Variants in PHLPP1 observed in about 807,000 individuals in gnomAD.
The protein encoded by PHLPP1 is PH domain leucine-rich repeat-containing protein phosphatase 1.
PHLPP1 carries 42 observed loss-of-function variants against 117.2 expected under a neutral mutation model. That is an observed-to-expected ratio of 0.36 (90% CI 0.28 to 0.46). The LOEUF is 0.46. Ranked by LOEUF, PHLPP1 falls within the 20% of genes least tolerant of loss-of-function variation. The pLI, the probability that PHLPP1 is intolerant of heterozygous loss-of-function variation, is 1.00. For missense variants in PHLPP1, 2,084 were observed against 2,241.9 expected, an observed-to-expected ratio of 0.93 and a Z score of 1.42; for synonymous variants, 1,042 against 970.7, an observed-to-expected ratio of 1.07 and a Z score of -1.37.
intron 2 of PHLPP1, among the ~76,000 whole-genome samples, chr18:62,831,987 T>G (rs1315857892): frequency 1.3e-5 from 2 of 152,214 alleles, no homozygotes; most frequent in East Asian, 1.9e-4. Flanking sequence ...TTTTGCCCTG[T>G]GGATGGATGG....
In PHLPP1 at chr18:62,780,603, G is replaced by A. The variant is rs1031355260; in HGVS notation, c.1577-49432G>A. ...TCAGTGCTCATCAGAATCACCTTAG[G>A]ATTTGTTAAAACATGGATTGCTGCT... On this transcript the variant is annotated intron_variant, in intron 1 of 16. Coordinates refer to ENST00000262719, the MANE Select transcript of PHLPP1 (RefSeq NM_194449.4). Among the ~76,000 whole-genome samples the A allele has an allele frequency of 2.0e-5, 3 of 152,150 alleles. No homozygotes were observed. The East Asian group carries it at 5.8e-4, about 29-fold the overall frequency.
At chr18:62,737,934 T>A (rs1445719702) in intron 1 of PHLPP1, among the ~76,000 whole-genome samples, 1 of 152,154 alleles carries the variant, frequency 6.6e-6, no homozygotes, top group Non-Finnish European at 1.5e-5. Flanking sequence ...CAGGATTTTT[T>A]ATTCACTCCT....
intron 12 of PHLPP1, among the ~76,000 whole-genome samples, chr18:62,953,405 C>G (rs1910521314): frequency 6.6e-6 from 1 of 152,178 alleles, no homozygotes; most frequent in South Asian, 2.1e-4. Context: ...TTAGCTCTCT[C>G]TAGATGTCCA....
At chr18:62,759,603 A>G (rs889098880) in intron 1 of PHLPP1, among the ~76,000 whole-genome samples, 36 of 152,210 alleles carry the variant, frequency 2.4e-4, no homozygotes, top group African/African-American at 7.7e-4. Flanking sequence ...CCACACTGAT[A>G]TGCTTACTTT....
At chr18:62,963,671 T>A (rs1910827440) in intron 14 of PHLPP1, among the ~76,000 whole-genome samples, 199 bp downstream of exon 14, 1 of 152,186 alleles carries the variant, frequency 6.6e-6, no homozygotes, top group Non-Finnish European at 1.5e-5. Context: ...AATCACATAG[T>A]CTCCCTTAGT....
At chr18:62,919,864 T>C (rs1205447493) in intron 9 of PHLPP1, 95 bp from the exon 10 acceptor site, 2 of 796,506 alleles carry the variant, frequency 2.5e-6, no homozygotes, top group Non-Finnish European at 4.1e-6. Context: ...AATGAATTTG[T>C]AGTTGCTCCA....
intron 1 of PHLPP1, among the ~76,000 whole-genome samples, chr18:62,752,257 C>T (rs765757498): frequency 7.2e-5 from 11 of 152,054 alleles, no homozygotes; most frequent in Non-Finnish European, 1.5e-4. Flanking sequence ...CCCCGCGCCC[C>T]CACCCAGTAA....
intron 1 of PHLPP1, among the ~76,000 whole-genome samples, chr18:62,744,032 A>T (rs1457184833): frequency 6.6e-6 from 1 of 152,218 alleles, no homozygotes. Flanking sequence ...CGTGGGACAC[A>T]TGTGGCTCAC....
intron 10 of PHLPP1, among the ~76,000 whole-genome samples, chr18:62,928,658 A>G (rs1407670681): frequency 6.6e-6 from 1 of 152,200 alleles, no homozygotes; most frequent in Non-Finnish European, 1.5e-5. Flanking sequence ...TTAGGTATAT[A>G]CCCAAGAGAA....
intron 10 of PHLPP1, among the ~76,000 whole-genome samples, chr18:62,929,726 T>C (rs901164506): frequency 6.6e-6 from 1 of 152,188 alleles, no homozygotes; most frequent in African/African-American, 2.4e-5. Context: ...AGCAGGAGGA[T>C]AGCTTGAGGT....
chr18:62,953,995 G>A (rs1272703978), intron 12 of PHLPP1, among the ~76,000 whole-genome samples: 1 of 152,202 alleles, frequency 6.6e-6, no homozygotes, highest in African/African-American at 2.4e-5. Context: ...TGTTTCTTTG[G>A]TAATGTTCTG....
intron 1 of PHLPP1, among the ~76,000 whole-genome samples, chr18:62,756,800 G>A (rs1203437707): frequency 1.3e-5 from 2 of 152,234 alleles, no homozygotes; most frequent in African/African-American, 2.4e-5. Context: ...GTTTAGAAAT[G>A]AGAATCTCTT....
At chr18:62,899,160 T>C (rs1916651912) in intron 6 of PHLPP1, among the ~76,000 whole-genome samples, 1 of 152,202 alleles carries the variant, frequency 6.6e-6, no homozygotes, top group Non-Finnish European at 1.5e-5. Context: ...GAGCTGTGTA[T>C]GGGTTGTGTA....
intron 1 of PHLPP1, among the ~76,000 whole-genome samples, chr18:62,763,198 C>G (rs1912316248): frequency 6.6e-6 from 1 of 152,182 alleles, no homozygotes; most frequent in Non-Finnish European, 1.5e-5. Context: ...AAGTAGCCAA[C>G]CTGTGCAGCT....
intron 1 of PHLPP1, chr18:62,825,397 A>G (rs1174626294): frequency 1.4e-5 from 2 of 147,462 alleles, no homozygotes; most frequent in Non-Finnish European, 3.0e-5. Context: ...TATTATATAA[A>G]TATATATTAT....
intron 4 of PHLPP1, among the ~76,000 whole-genome samples, chr18:62,869,234 C>T (rs1431496836): frequency 6.6e-6 from 1 of 152,074 alleles, no homozygotes; most frequent in Non-Finnish European, 1.5e-5. Context: ...ATGTAGTATG[C>T]CTGATGTCTT....
At chr18:62,892,709 T>C (rs183105678) in intron 4 of PHLPP1, among the ~76,000 whole-genome samples, 36 of 151,628 alleles carry the variant, frequency 2.4e-4, no homozygotes, top group African/African-American at 7.7e-4. Flanking sequence ...ACCCCGTCTC[T>C]AATAAAAATA....
chr18:62,742,894 A>G (rs1911572401), intron 1 of PHLPP1, among the ~76,000 whole-genome samples: 1 of 152,176 alleles, frequency 6.6e-6, no homozygotes, highest in Admixed American at 6.5e-5. Context: ...ACCCCCAATG[A>G]TAATAAACTG....
rs1369171211 is a variant in PHLPP1, at chr18:62,822,281, T to G, written c.1577-7754T>G. Among the ~76,000 whole-genome samples the G allele has an allele frequency of 2.6e-4, 29 of 110,612 alleles. 2 individuals are homozygous for G. Among genetic ancestry groups the G allele is most frequent in the South Asian group, 5.4e-4 (2 of 3,700 alleles). 72.6% of individuals were successfully genotyped at this position (110,612 alleles called of 152,430 possible). On this transcript the variant is annotated intron_variant, in intron 1 of 16. Coordinates refer to ENST00000262719, the MANE Select transcript of PHLPP1 (RefSeq NM_194449.4). ...GAAAATAGTGTTTTTTTTTTTTTTGTTTTTGTTTTTTTTTTTTTGAGACAG... is the reference window on the plus strand; with the variant it reads ...GAAAATAGTGTTTTTTTTTTTTTTGGTTTTGTTTTTTTTTTTTTGAGACAG...
Sources: gnomAD v4.1 joint callset for allele counts (sites outside exome capture counted in the v4.1 genomes callset) on GRCh38, gnomAD v4.1.1 for gene constraint, MANE v1.5 for transcripts, NCBI Gene and HGNC (gene_info 2026-07-23, HGNC 2026-07-21) for gene names.